The following ASTN2 variants were observed in gnomAD, a reference collection of about 807,000 sequenced individuals.
ASTN2 encodes astrotactin-2.
A neutral mutation model predicts 139.8 loss-of-function variants in ASTN2; 54 were observed. The observed-to-expected ratio is 0.39, with a 90% CI of 0.31 to 0.48. The LOEUF is 0.48. Ranked by LOEUF, ASTN2 falls within the 20% of genes least tolerant of loss-of-function variation. The pLI is 0.95. For missense variants in ASTN2, 1,565 were observed against 1,725.1 expected (o/e 0.91, Z 1.64); for synonymous variants, 756 against 719.5 (o/e 1.05, Z -0.81).
intron 7 of ASTN2, among the ~76,000 whole-genome samples, chr9:116,981,884 A>G (rs1223780576): frequency 2.0e-5 from 3 of 152,194 alleles, no homozygotes; most frequent in Non-Finnish European, 2.9e-5. Context: ...AGGGAATTCA[A>G]TTGGATGGTT....
At chr9:116,804,841 C>CGTGT (rs1180677174) in intron 13 of ASTN2, among the ~76,000 whole-genome samples, 1 of 147,920 alleles carries the variant, frequency 6.8e-6, no homozygotes, top group Non-Finnish European at 1.5e-5. Context: ...TGTGTGTGTA[C>CGTGT]GTGTGTGTGT....
intron 19 of ASTN2, among the ~76,000 whole-genome samples, chr9:116,599,723 T>C (rs1288619476): frequency 1.3e-5 from 2 of 152,138 alleles, no homozygotes; most frequent in East Asian, 1.9e-4. Context: ...AAGGACAGAT[T>C]TGAGACAAAA....
chr9:116,632,168 G>C (rs142479546), intron 17 of ASTN2, among the ~76,000 whole-genome samples: 59 of 33,562 alleles, frequency 1.8e-3, no homozygotes, highest in South Asian at 5.1e-3. Flanking sequence ...CAGAGAGAGA[G>C]AGAGAGAGAG....
At position 116,733,473 on chromosome 9, in the gene ASTN2, A is replaced by C. The variant is rs745760203; in HGVS notation, c.2447T>G (p.Val816Gly). The C allele has an allele frequency of 1.2e-6, 2 of 1,614,068 alleles. No individual in the cohort carries two copies. The highest frequency in any genetic ancestry group is 1.7e-6 in the Non-Finnish European group (2 of 1,180,038). The change falls in exon 14 of 23, where the codon GTG becomes GGG. Residue 816 changes from valine (V) to glycine (G), a missense_variant. Around this residue, in one of 4 missense-constraint regions of ASTN2, gnomAD observed 503 missense variants for 591.7 expected, o/e 0.85. Transcript: ENST00000313400. Reference protein sequence around the residue: ...DFPQLADGLLVIPLPVEEQCR... With the variant: ...DFPQLADGLLGIPLPVEEQCR... ...CTGCTCCTCCACCGGCAGCGGGATC[A>C]CCAACAGCCCATCGGCCAGCTGGGG...
intron 3 of ASTN2, among the ~76,000 whole-genome samples, chr9:117,148,659 G>A (rs990241459): frequency 1.3e-5 from 2 of 152,124 alleles, no homozygotes; most frequent in African/African-American, 4.8e-5. Context: ...AGTCAATTTT[G>A]TGCGCCAATT....
intron 5 of ASTN2, among the ~76,000 whole-genome samples, chr9:117,055,263 G>A (rs1839024996): frequency 6.6e-6 from 1 of 152,192 alleles, no homozygotes; most frequent in Non-Finnish European, 1.5e-5. Context: ...ATTGTGTTGG[G>A]TGCTGGGGAT....
At chr9:117,246,970 C>T (rs950028195) in intron 2 of ASTN2, among the ~76,000 whole-genome samples, 2 of 152,042 alleles carry the variant, frequency 1.3e-5, no homozygotes, top group Non-Finnish European at 2.9e-5. Flanking sequence ...GTTGAAGGTC[C>T]ATGGATTCTA....
chr9:116,610,069 A>G (rs1240632519), intron 19 of ASTN2, among the ~76,000 whole-genome samples: 3 of 152,172 alleles, frequency 2.0e-5, no homozygotes, highest in African/African-American at 7.2e-5. Context: ...TTAAAAAAAG[A>G]AAGATGATAA....
chr9:116,433,411 C>G (rs12377315), intron 22 of ASTN2, among the ~76,000 whole-genome samples: 41,977 of 152,044 alleles, frequency 0.28, 6,341 homozygotes, highest in East Asian at 0.5. Context: ...AAGCCTGTAT[C>G]TGTTTCCCCA....
rs113266846 is a variant in ASTN2 at position 117,375,568 on chromosome 9, C to T, written c.442+38929G>A. Among the ~76,000 whole-genome samples the T allele has an allele frequency of 5.0e-3, 759 of 152,314 alleles. 8 individuals carry two copies. The highest frequency in any genetic ancestry group is 0.017 in the African/African-American group (713 of 41,572). ...ATCCTATTAGAGTCATCATTAACCA[C>T]GTATTGCACGTGAGGAAATGGAAGT... On this transcript the variant is annotated intron_variant, in intron 1 of 22. Transcript: ENST00000313400.
chr9:116,885,956 A>G (rs529672252), intron 10 of ASTN2, among the ~76,000 whole-genome samples: 1 of 152,334 alleles, frequency 6.6e-6, no homozygotes, highest in East Asian at 1.9e-4. Context: ...TTATGCAGGA[A>G]AATATGAAAA....
chr9:117,057,958 T>C (rs926787081), intron 5 of ASTN2, among the ~76,000 whole-genome samples: 17 of 152,162 alleles, frequency 1.1e-4, no homozygotes, highest in African/African-American at 3.9e-4. Context: ...CCCACCTCTC[T>C]TTCTTCATAA....
rs1401341596 is a variant in ASTN2, at chr9:116,976,199, A to G, written c.1677-11T>C. On this transcript the variant is annotated splice_polypyrimidine_tract_variant and intron_variant, in intron 8 of 22. Transcript: ENST00000313400. ...GTGTAGGGCCAAGGTCTATGGGAAG[A>G]AGGAGAGGGGAGAGAAGATGACATT... 1.2e-6 allele frequency: 2 copies of G among 1,609,570 alleles called. No homozygotes were observed. The highest frequency in any genetic ancestry group is 2.2e-5 in the East Asian group (1 of 44,672).
chr9:116,650,416 T>A lies in ASTN2; in HGVS notation c.3072+1112A>T, dbSNP rs150655485. 5.9e-3 allele frequency among the ~76,000 whole-genome samples: 905 copies of A among 152,328 alleles called. 10 individuals are homozygous for A. Among genetic ancestry groups the A allele is most frequent in the South Asian group, 9.3e-3 (45 of 4,828 alleles). ...GAGAAAAAAAGAAGCAATAATTTCA[T>A]GGCTAAGCATATAAACTCTGGAGCA... On this transcript the variant is annotated intron_variant, in intron 17 of 22. Transcript: ENST00000313400.
chr9:116,919,096 C>T (rs540916452), intron 10 of ASTN2, among the ~76,000 whole-genome samples: 1 of 151,954 alleles, frequency 6.6e-6, no homozygotes, highest in Non-Finnish European at 1.5e-5. Flanking sequence ...GGATGTTTTG[C>T]GATTGTACTC....
At chr9:117,313,065 T>G (rs1413231309) in intron 1 of ASTN2, among the ~76,000 whole-genome samples, 1 of 152,166 alleles carries the variant, frequency 6.6e-6, no homozygotes, top group Admixed American at 6.5e-5. Context: ...AAGGAAATAA[T>G]GCCAGAATTT....
chr9:116,580,460 G>A (rs1853904166), intron 19 of ASTN2, among the ~76,000 whole-genome samples: 1 of 152,166 alleles, frequency 6.6e-6, no homozygotes, highest in Non-Finnish European at 1.5e-5. Flanking sequence ...GGTGAGAAAA[G>A]GGGAGCAGAA....
chr9:116,468,349 C>T (rs1332684311), intron 20 of ASTN2, among the ~76,000 whole-genome samples: 1 of 152,196 alleles, frequency 6.6e-6, no homozygotes, highest in Non-Finnish European at 1.5e-5. Context: ...AGTTATAGTA[C>T]ATAGGACGTG....
At chr9:117,111,125 TAACAA>T (rs1829238502) in intron 4 of ASTN2, among the ~76,000 whole-genome samples, 2 of 151,848 alleles carry the variant, frequency 1.3e-5, no homozygotes, top group South Asian at 4.2e-4. Flanking sequence ...TAAAGAAAAA[TAACAA>T]AACCCAAGAG....
Sources: allele counts gnomAD v4.1 joint callset (sites outside exome capture counted in the v4.1 genomes callset), GRCh38; gene constraint gnomAD v4.1.1; regional missense constraint gnomAD v4.1.1; transcripts MANE v1.5; gene names NCBI Gene and HGNC (gene_info 2026-07-23, HGNC 2026-07-21).